The following AMELX variants were observed in gnomAD, a reference collection of about 807,000 sequenced individuals.
AMELX encodes the protein amelogenin X-linked.
A neutral mutation model predicts 15.8 loss-of-function variants in AMELX; 9 were observed. That is an observed-to-expected ratio of 0.57 (90% CI 0.34 to 0.99). AMELX has a LOEUF of 0.99. AMELX is among the 50% of genes least tolerant of loss of function. The pLI is 0.02. For missense variants in AMELX, 107 were observed against 156.2 expected, an observed-to-expected ratio of 0.68 and a Z score of 1.68; for synonymous variants, 61 against 58.8, an observed-to-expected ratio of 1.04 and a Z score of -0.17.
chrX:11,296,816 T>A lies in AMELX; in HGVS notation c.92T>A (p.Phe31Tyr). 1 of 1,210,929 alleles carries A rather than the reference T, an allele frequency of 8.3e-7. No individual in the cohort carries two copies. The highest frequency in any genetic ancestry group is 1.1e-6 in the Non-Finnish European group (1 of 894,898). ...CCTGGGCACCCTGGTTATATCAACTTCAGCTATGAGGTAATTTTTCTCTTT... is the reference window on the plus strand; with the variant it reads ...CCTGGGCACCCTGGTTATATCAACTACAGCTATGAGGTAATTTTTCTCTTT... ...PHPGHPGYIN[F>Y]SYEVLTPLKW... Residue 31 changes from phenylalanine (F) to tyrosine (Y), a missense_variant, in exon 3 of 6, where the codon TTC becomes TAC. Physicochemically the swap from Phe to Tyr is conservative, Grantham distance 22. Transcript: ENST00000380714.
chrX:11,298,549 A>G lies in AMELX; in HGVS notation c.146A>G (p.Tyr49Cys). The change falls in exon 5 of 6, where the codon TAC becomes TGC. Residue 49 changes from tyrosine to cysteine, a missense_variant and splice_region_variant. Tyr to Cys is a radical substitution (Grantham distance 194). Coordinates refer to ENST00000380714, the MANE Select transcript of AMELX (RefSeq NM_001142.2). ...LKWYQSIRPPYPSYGYEPMGG... is the reference protein window; with the variant it reads ...LKWYQSIRPPCPSYGYEPMGG... Reference sequence around the variant, plus strand: ...ACCTGCCTCTCTGTTTCTCACCAGTACCCTTCCTATGGTTACGAGCCCATG... The same window carrying G: ...ACCTGCCTCTCTGTTTCTCACCAGTGCCCTTCCTATGGTTACGAGCCCATG... The G allele has an allele frequency of 8.3e-7, 1 of 1,210,763 alleles. No individual in the cohort carries two copies.
intron 5 of AMELX, among the ~76,000 whole-genome samples, chrX:11,299,417 C>T: frequency 8.9e-6 from 1 of 111,820 alleles, no homozygotes; most frequent in South Asian, 3.8e-4. Flanking sequence ...GAACAGGCTA[C>T]AAAAGGTAGA....
chrX:11,302,242 T>A (rs1359110909), downstream of AMELX, among the ~76,000 whole-genome samples: 1 of 112,598 alleles, frequency 8.9e-6, no homozygotes, highest in Non-Finnish European at 1.9e-5. Context: ...AATATTTCCA[T>A]CACCATTCAG....
intron 5 of AMELX, among the ~76,000 whole-genome samples, chrX:11,299,654 C>T (rs759949751): frequency 8.9e-6 from 1 of 112,236 alleles, no homozygotes; most frequent in African/African-American, 3.2e-5. Flanking sequence ...ACTTAATCTA[C>T]ATCCATAAAG....
At chrX:11,308,616 G>T in the AMELX span, among the ~76,000 whole-genome samples, 2 of 111,482 alleles carry the variant, frequency 1.8e-5, no homozygotes. Flanking sequence ...AGTACCCAAT[G>T]ATTGAGACCC....
rs147804735 is a variant in AMELX, at chrX:11,297,153, T to C, written c.102+327T>C. 4.3e-3 allele frequency among the ~76,000 whole-genome samples: 483 copies of C among 112,083 alleles called. 2 individuals are homozygous for C. The highest frequency in any genetic ancestry group is 7.0e-3 in the Non-Finnish European group (372 of 53,165). On this transcript the variant is annotated intron_variant, in intron 3 of 5. Transcript: ENST00000380714. ...CTTGGTTCTAACCCAGCTAGTAAAA[T>C]GTAAGGATTAGGTAAGATGTTATTT...
intron 2 of AMELX, among the ~76,000 whole-genome samples, 188 bp from the exon 3 acceptor site, chrX:11,296,591 C>T (rs779277633): frequency 8.0e-5 from 9 of 112,131 alleles, no homozygotes; most frequent in African/African-American, 2.9e-4. Context: ...CTCTTCTATA[C>T]AGCACATTTG....
intron 1 of AMELX, 28 bp downstream of exon 1, chrX:11,293,496 ATCCTTTTTATTG>A (rs2048028661): frequency 8.9e-6 from 1 of 112,153 alleles, no homozygotes; most frequent in Non-Finnish European, 1.9e-5. Flanking sequence ...ATAATTTGAT[ATCCTTTTTATTG>A]TGCTTATTTC....
chrX:11,296,691 A>G, intron 2 of AMELX, 88 bp from the exon 3 acceptor site: 1 of 1,017,971 alleles, frequency 9.8e-7, no homozygotes, highest in Non-Finnish European at 1.4e-6. Flanking sequence ...ACAATTGCAT[A>G]CTGACTTAAT....
intron 5 of AMELX, 36 bp downstream of exon 5, chrX:11,299,009 T>A: frequency 1.7e-6 from 2 of 1,195,893 alleles, no homozygotes; most frequent in Non-Finnish European, 2.3e-6. Flanking sequence ...ATGCAAATCC[T>A]GTGAAAATGG....
the AMELX span, among the ~76,000 whole-genome samples, chrX:11,307,088 A>G: frequency 9.0e-6 from 1 of 111,028 alleles, no homozygotes; most frequent in Non-Finnish European, 1.9e-5. Context: ...ACGCAAGTCC[A>G]GTGCTCGTAG....
rs764153884 is a variant in AMELX at position 11,294,782 on chromosome X, T to C, written c.-7T>C. 8.3e-6 allele frequency: 10 copies of C among 1,211,488 alleles called. No homozygotes were observed. In the Admixed American group the frequency reaches 1.3e-4, roughly 16 times the overall value. On this transcript the variant is annotated 5_prime_UTR_variant, in exon 2 of 6. Coordinates refer to ENST00000380714, the MANE Select transcript of AMELX (RefSeq NM_001142.2). Reference sequence around the variant, plus strand: ...GATGTTGACTTACATTTCAGAACCATCAAGAAATGGGGACCTGGATTTTAT... The same window carrying C: ...GATGTTGACTTACATTTCAGAACCACCAAGAAATGGGGACCTGGATTTTAT...
downstream of AMELX, chrX:11,300,829 A>G (rs181540792): frequency 3.5e-5 from 13 of 374,812 alleles, no homozygotes; most frequent in African/African-American, 3.1e-4. Flanking sequence ...ATGAATGAGT[A>G]TTCTTGAATC....
Position 11,294,857 on chromosome X carries a change from C to A in AMELX, c.54+15C>A. 8.3e-7 allele frequency: 1 copy of A among 1,209,480 alleles called. No individual in the cohort carries two copies. Among genetic ancestry groups the A allele is most frequent in the Non-Finnish European group, 1.1e-6 (1 of 893,468 alleles). On this transcript the variant is annotated intron_variant, in intron 2 of 5. Coordinates refer to ENST00000380714, the MANE Select transcript of AMELX (RefSeq NM_001142.2). ...TTGCCATGCCTGTGAGTAAAACACCCCTTGCATAAGTCAGTGTCCAATTTC... is the reference window on the plus strand; with the variant it reads ...TTGCCATGCCTGTGAGTAAAACACCACTTGCATAAGTCAGTGTCCAATTTC...
downstream of AMELX, chrX:11,300,799 A>G: frequency 4.6e-6 from 2 of 434,410 alleles, no homozygotes; most frequent in Non-Finnish European, 4.1e-6. Flanking sequence ...AAATTTTCCT[A>G]TCATTTGAGA....
At position 11,298,932 on chromosome X, in the gene AMELX, G is replaced by T. The variant is rs104894734; in HGVS notation, c.529G>T (p.Glu177Ter). 3.3e-6 allele frequency: 4 copies of T among 1,210,979 alleles called. No individual in the cohort carries two copies. Among genetic ancestry groups the T allele is most frequent in the Non-Finnish European group, 3.4e-6 (3 of 895,359 alleles). Residue 177 changes from glutamate to a stop codon, truncating the protein, a stop_gained, in exon 5 of 6, where the codon GAA becomes TAA. Transcript: ENST00000380714. LOFTEE classifies it high-confidence loss of function. The stretch of plus-strand genomic sequence containing the variant: ...TCCCATGCTTCCTGATCTGACTCTG[G>T]AAGCTTGGCCATCAACAGACAAGAC... ...LPPMLPDLTL[E>*]AWPSTDKTKR...
chrX:11,305,255 C>G (rs1318236762), downstream of AMELX, among the ~76,000 whole-genome samples: 1 of 111,297 alleles, frequency 9.0e-6, no homozygotes, highest in Non-Finnish European at 1.9e-5. Flanking sequence ...AAAGTGCTGT[C>G]CCGTGATTAA....
chrX:11,308,520 T>C, the AMELX span, among the ~76,000 whole-genome samples: 9 of 111,657 alleles, frequency 8.1e-5, no homozygotes, highest in Admixed American at 6.6e-4. Flanking sequence ...CCCTAATCAG[T>C]TATCGATGTT....
intron 2 of AMELX, among the ~76,000 whole-genome samples, chrX:11,295,165 C>T (rs1671847764): frequency 9.0e-6 from 1 of 111,690 alleles, no homozygotes; most frequent in Non-Finnish European, 1.9e-5. Context: ...GGAAGGGACC[C>T]TTGAAAGGTC....
Sources: allele counts gnomAD v4.1 joint callset (sites outside exome capture counted in the v4.1 genomes callset), GRCh38; gene constraint gnomAD v4.1.1; transcripts MANE v1.5; gene names NCBI Gene and HGNC (gene_info 2026-07-23, HGNC 2026-07-21).